RGL1: variants seen among roughly 807,000 people sequenced by gnomAD.
RGL1 encodes ral guanine nucleotide dissociation stimulator like 1.
A neutral mutation model predicts 95.2 loss-of-function variants in RGL1; 24 were observed. That is an observed-to-expected ratio of 0.25 (90% confidence interval 0.18 to 0.35). The LOEUF (loss-of-function observed/expected upper bound fraction) is 0.35. RGL1 is among the 10% of genes least tolerant of loss of function. RGL1 has a pLI of 1.00. For missense variants in RGL1, 715 were observed against 936.3 expected, an observed-to-expected ratio of 0.76 and a Z score of 3.08; for synonymous variants, 329 against 344.9, an observed-to-expected ratio of 0.95 and a Z score of 0.51.
intron 4 of RGL1, among the ~76,000 whole-genome samples, chr1:183,877,297 T>C (rs1329246244): frequency 6.6e-6 from 1 of 152,234 alleles, no homozygotes; most frequent in Non-Finnish European, 1.5e-5. Flanking sequence ...TCTGTTCTGG[T>C]TAATATATAA....
At chr1:183,890,950 G>A (rs1007021496) in intron 8 of RGL1, among the ~76,000 whole-genome samples, 4 of 152,100 alleles carry the variant, frequency 2.6e-5, no homozygotes, top group African/African-American at 7.2e-5. Flanking sequence ...ATACTTCAAT[G>A]ATATGTGGAT....
intron 1 of RGL1, among the ~76,000 whole-genome samples, chr1:183,702,248 G>C (rs1654639948): frequency 1.3e-5 from 2 of 151,374 alleles, no homozygotes; most frequent in South Asian, 4.2e-4. Flanking sequence ...TTTTTTCTGT[G>C]AGTCATGGTG....
chr1:183,837,125 G>A (rs868567300), intron 2 of RGL1, among the ~76,000 whole-genome samples: 4 of 152,110 alleles, frequency 2.6e-5, no homozygotes, highest in Non-Finnish European at 5.9e-5. Flanking sequence ...ACCCTTCCCC[G>A]TACTCTCCCT....
intron 3 of RGL1, among the ~76,000 whole-genome samples, chr1:183,851,116 G>A (rs961242596): frequency 6.6e-6 from 1 of 152,186 alleles, no homozygotes; most frequent in African/African-American, 2.4e-5. Flanking sequence ...GACTAACACT[G>A]AAAATGAATC....
At chr1:183,900,649 C>T (rs1384783206) in intron 11 of RGL1, among the ~76,000 whole-genome samples, 5 of 151,994 alleles carry the variant, frequency 3.3e-5, no homozygotes, top group South Asian at 2.1e-4. Flanking sequence ...GGATTACAGG[C>T]GTGCACCACC....
At chr1:183,675,357 C>T (rs1162739722) in intron 1 of RGL1, among the ~76,000 whole-genome samples, 1 of 151,114 alleles carries the variant, frequency 6.6e-6, no homozygotes, top group African/African-American at 2.4e-5. Flanking sequence ...TCCTTCCTTC[C>T]ATCCTCCCAC....
At position 183,706,135 on chromosome 1, in the gene RGL1, G is replaced by A. The variant is rs181947985; in HGVS notation, c.-32-35991G>A. Among the ~76,000 whole-genome samples the A allele has an allele frequency of 2.6e-5, 4 of 152,292 alleles. No individual in the cohort carries two copies. In the East Asian group the frequency reaches 7.7e-4, roughly 29 times the overall value. Reference sequence around the variant, plus strand: ...TGATGCGTTGGGTACTATGGGGAATGTGGAAGTGGAGAGTAGTGTGGAGTT... The same window carrying A: ...TGATGCGTTGGGTACTATGGGGAATATGGAAGTGGAGAGTAGTGTGGAGTT... On this transcript the variant is annotated intron_variant, in intron 1 of 18. Coordinates refer to the RGL1 transcript ENST00000304685.
intron 1 of RGL1, among the ~76,000 whole-genome samples, chr1:183,716,703 G>T (rs1655644730): frequency 1.3e-5 from 2 of 152,226 alleles, no homozygotes; most frequent in African/African-American, 4.8e-5. Context: ...AGAATCAGAA[G>T]ATCTGAATTC....
At chr1:183,707,860 C>T (rs956498145) in intron 1 of RGL1, among the ~76,000 whole-genome samples, 6 of 150,032 alleles carry the variant, frequency 4.0e-5, no homozygotes, top group Admixed American at 4.0e-4. Flanking sequence ...ACTGCTGGAT[C>T]AAACAAGGAA....
chr1:183,742,637 C>T (rs1657381081), intron 2 of RGL1, among the ~76,000 whole-genome samples: 1 of 152,122 alleles, frequency 6.6e-6, no homozygotes, highest in Non-Finnish European at 1.5e-5. Context: ...TGTGACTTCC[C>T]TCTCTCAAGC....
In RGL1 at chr1:183,807,295, G is replaced by A. The variant is rs188153080; in HGVS notation, c.138+810G>A. On this transcript the variant is annotated intron_variant, in intron 2 of 17. Transcript: ENST00000360851. ...GTTCTCAGACCAGGCGGTGAGAGGC[G>A]ACCCAAAAAGCCTTGAGAAAGAAAA... Among the ~76,000 whole-genome samples, 133 of 152,124 alleles carry A rather than the reference G, an allele frequency of 8.7e-4. 1 individual carries two copies. The highest frequency in any genetic ancestry group is 6.6e-4 in the Non-Finnish European group (45 of 67,964).
rs148630060 is a variant in RGL1 at position 183,724,147 on chromosome 1, A to G, written c.-32-17979A>G. On this transcript the variant is annotated intron_variant, in intron 1 of 18. Transcript: ENST00000304685. The surrounding 1 kb of genome is among the most constrained non-coding windows in gnomAD (Gnocchi z 4.1). ...CAAAAGAGCTCTTGAACCCAAAATAATCAGCAGTGGTAGGTGGGTAGTACA... is the reference window on the plus strand; with the variant it reads ...CAAAAGAGCTCTTGAACCCAAAATAGTCAGCAGTGGTAGGTGGGTAGTACA... 1.8e-3 allele frequency among the ~76,000 whole-genome samples: 277 copies of G among 152,286 alleles called. No homozygotes were observed. The highest frequency in any genetic ancestry group is 6.8e-3 in the Middle Eastern group (2 of 294).
At chr1:183,667,617 C>T (rs967157749) in intron 1 of RGL1, among the ~76,000 whole-genome samples, 11 of 152,042 alleles carry the variant, frequency 7.2e-5, no homozygotes, top group African/African-American at 2.4e-4. Context: ...TGAGCCATTG[C>T]GCCCAGCCAG....
chr1:183,750,909 T>C (rs10128040), intron 2 of RGL1, among the ~76,000 whole-genome samples: 67,399 of 152,156 alleles, frequency 0.44, 15,891 homozygotes, highest in East Asian at 0.76. Flanking sequence ...ATAGCAAAAG[T>C]TGCTGCCTGC....
intron 3 of RGL1, among the ~76,000 whole-genome samples, chr1:183,856,778 G>A (rs1019498922): frequency 6.6e-6 from 1 of 151,768 alleles, no homozygotes; most frequent in Non-Finnish European, 1.5e-5. Flanking sequence ...TTGTAAGAAG[G>A]GTGTGAAAAT....
rs77399506 is a variant in RGL1 at position 183,731,104 on chromosome 1, C to A, written c.-32-11022C>A. On this transcript the variant is annotated intron_variant, in intron 1 of 18. Transcript: ENST00000304685. ...GAAACAATGTCAACCAAAATTGGAGCAATGAACCTGAGAATTGAATTCACT... is the reference window on the plus strand; with the variant it reads ...GAAACAATGTCAACCAAAATTGGAGAAATGAACCTGAGAATTGAATTCACT... Among the ~76,000 whole-genome samples, 2,642 of 152,178 alleles carry A rather than the reference C, an allele frequency of 0.017. 178 individuals carry two copies. In the East Asian group the frequency reaches 0.24, roughly 14 times the overall value.
At chr1:183,637,546 A>G (rs1192012370) in intron 1 of RGL1, among the ~76,000 whole-genome samples, 3 of 152,224 alleles carry the variant, frequency 2.0e-5, no homozygotes, top group African/African-American at 4.8e-5. Context: ...TCAAAAAAAT[A>G]CATATATAAT....
intron 2 of RGL1, among the ~76,000 whole-genome samples, chr1:183,754,223 A>G (rs1658200175): frequency 6.6e-6 from 1 of 152,118 alleles, no homozygotes; most frequent in Admixed American, 6.6e-5. Flanking sequence ...AAGATATAGT[A>G]TTACTAGCTC....
chr1:183,668,612 G>T (rs1465262306), intron 1 of RGL1, among the ~76,000 whole-genome samples: 1 of 151,908 alleles, frequency 6.6e-6, no homozygotes, highest in Non-Finnish European at 1.5e-5. Context: ...ACCTGGCTGC[G>T]ATTTTTTCTT....
Sources: gnomAD v4.1 joint callset for allele counts (sites outside exome capture counted in the v4.1 genomes callset) on GRCh38, gnomAD v4.1.1 for gene constraint, Gnocchi (gnomAD v3.1) non-coding constraint, MANE v1.5 for transcripts, NCBI Gene and HGNC (gene_info 2026-07-23, HGNC 2026-07-21) for gene names.